The following PTPRK variants were observed in gnomAD, a reference collection of about 807,000 sequenced individuals.
PTPRK encodes protein tyrosine phosphatase receptor type K.
PTPRK carries 75 observed loss-of-function variants against 178.0 expected under a neutral mutation model. That is an observed-to-expected ratio of 0.42 (90% CI 0.35 to 0.51). The LOEUF is 0.51. Ranked by LOEUF, PTPRK falls within the 20% of genes least tolerant of loss-of-function variation. The pLI, the probability that PTPRK is intolerant of heterozygous loss-of-function variation, is 0.02. For missense variants in PTPRK, 1,441 were observed against 1,797.8 expected (o/e 0.80, Z 3.59); for synonymous variants, 637 against 620.6 (o/e 1.03, Z -0.39).
chr6:128,060,653 A>G (rs1198647003), intron 13 of PTPRK, among the ~76,000 whole-genome samples: 2 of 152,184 alleles, frequency 1.3e-5, no homozygotes, highest in Non-Finnish European at 2.9e-5. Context: ...TTCCTATCAC[A>G]GAATTCAGCT....
intron 13 of PTPRK, among the ~76,000 whole-genome samples, chr6:128,018,973 A>G (rs1033707147): frequency 6.6e-6 from 1 of 152,168 alleles, no homozygotes; most frequent in Non-Finnish European, 1.5e-5. Context: ...CTAGAAGAAG[A>G]ATATGGTAAG....
intron 6 of PTPRK, among the ~76,000 whole-genome samples, chr6:128,196,525 C>T (rs903038003): frequency 6.6e-6 from 1 of 152,154 alleles, no homozygotes; most frequent in Non-Finnish European, 1.5e-5. Context: ...CTCACTTTCA[C>T]ACCTTAATGG....
chr6:128,334,929 A>T (rs1830719926), intron 2 of PTPRK, among the ~76,000 whole-genome samples: 1 of 152,080 alleles, frequency 6.6e-6, no homozygotes, highest in South Asian at 2.1e-4. Context: ...CTCTACTAAA[A>T]ATACAAAAAT....
chr6:128,008,286 C>T (rs950853005), intron 14 of PTPRK, among the ~76,000 whole-genome samples: 1 of 150,754 alleles, frequency 6.6e-6, no homozygotes, highest in Non-Finnish European at 1.5e-5. Context: ...TGATCACAAC[C>T]ACTTCTATAC....
At chr6:128,301,342 A>G (rs977253173) in intron 3 of PTPRK, among the ~76,000 whole-genome samples, 3 of 152,114 alleles carry the variant, frequency 2.0e-5, no homozygotes, top group Non-Finnish European at 2.9e-5. Flanking sequence ...AAATGCTTAA[A>G]CCAAAATGAT....
intron 5 of PTPRK, among the ~76,000 whole-genome samples, chr6:128,236,766 C>G (rs1046149079): frequency 6.6e-6 from 1 of 152,024 alleles, no homozygotes; most frequent in Non-Finnish European, 1.5e-5. Context: ...TAAAAACATT[C>G]GATGTTGTTT....
intron 11 of PTPRK, among the ~76,000 whole-genome samples, chr6:128,074,478 G>GA (rs1783414188): frequency 6.6e-6 from 1 of 151,900 alleles, no homozygotes; most frequent in African/African-American, 2.4e-5. Context: ...CATTTACGAA[G>GA]AAACCTTTTA....
At chr6:128,383,914 A>C (rs1053840262) in intron 2 of PTPRK, among the ~76,000 whole-genome samples, 1 of 152,196 alleles carries the variant, frequency 6.6e-6, no homozygotes, top group Non-Finnish European at 1.5e-5. Context: ...TTTCTATAAA[A>C]CATTAAGTTA....
At position 128,074,475 on chromosome 6, in the gene PTPRK, G is replaced by A. The variant is rs138164291; in HGVS notation, c.1883+4338C>T. Among the ~76,000 whole-genome samples, 676 of 151,976 alleles carry A rather than the reference G, an allele frequency of 4.4e-3. 5 individuals carry two copies. Among genetic ancestry groups the A allele is most frequent in the Non-Finnish European group, 5.7e-3 (384 of 67,928 alleles). On this transcript the variant is annotated intron_variant, in intron 11 of 29. Coordinates refer to ENST00000368226, the MANE Select transcript of PTPRK (RefSeq NM_002844.4). The stretch of plus-strand genomic sequence containing the variant: ...CAGGTTAGAGTTTTAATTCATTTAC[G>A]AAGAAACCTTTTAGAAAGAAAAGAA...
chr6:128,240,012 C>T lies in PTPRK; in HGVS notation c.693+23G>A, dbSNP rs1814104383. On this transcript the variant is annotated intron_variant, in intron 5 of 29. Coordinates refer to ENST00000368226, the MANE Select transcript of PTPRK (RefSeq NM_002844.4). The stretch of plus-strand genomic sequence containing the variant: ...TTAAAACATAAAGTATACTCTTTAG[C>T]TCAGCTGCCAACTTGGCCTTACCTG... 1.9e-6 allele frequency: 3 copies of T among 1,554,336 alleles called. 1 individual carries two copies. In the South Asian group the frequency reaches 3.4e-5, roughly 17 times the overall value.
At chr6:128,413,672 T>C (rs138080699) in intron 1 of PTPRK, among the ~76,000 whole-genome samples, 2 of 152,282 alleles carry the variant, frequency 1.3e-5, no homozygotes, top group African/African-American at 2.4e-5. Context: ...GAATGTAACA[T>C]AACCACTGGA....
Position 128,101,209 on chromosome 6 carries a change from A to T in PTPRK, c.1163-11217T>A, listed in dbSNP as rs541410645. On this transcript the variant is annotated intron_variant, in intron 7 of 29. Transcript: ENST00000368226. ...GTGAATATACTAACTTAGTATTCAC[A>T]TTTTTTTCTACATCCAAATCTAAAT... 2.0e-3 allele frequency among the ~76,000 whole-genome samples: 302 copies of T among 152,144 alleles called. 1 individual carries two copies. The highest frequency in any genetic ancestry group is 2.9e-3 in the Non-Finnish European group (200 of 67,906).
rs550070534 is a variant in PTPRK, at chr6:128,313,547, T to C, written c.495+8492A>G. ...TAAAGGACAAACAGAACTTGGACAATGAAAAGGAAGAAACAAAGCCATTTC... is the reference window on the plus strand; with the variant it reads ...TAAAGGACAAACAGAACTTGGACAACGAAAAGGAAGAAACAAAGCCATTTC... On this transcript the variant is annotated intron_variant, in intron 3 of 29. Coordinates refer to ENST00000368226, the MANE Select transcript of PTPRK (RefSeq NM_002844.4). Among the ~76,000 whole-genome samples the C allele has an allele frequency of 2.0e-4, 31 of 151,928 alleles. 1 individual carries two copies. The South Asian group carries it at 6.2e-3, about 30-fold the overall frequency.
At chr6:128,256,180 A>T (rs954203206) in intron 3 of PTPRK, among the ~76,000 whole-genome samples, 1 of 152,182 alleles carries the variant, frequency 6.6e-6, no homozygotes, top group African/African-American at 2.4e-5. Context: ...TAGCACAGTT[A>T]TATGTGATAA....
intron 5 of PTPRK, 152 bp from the exon 6 acceptor site, chr6:128,219,248 A>G: frequency 1.4e-6 from 1 of 696,872 alleles, no homozygotes; most frequent in Non-Finnish European, 2.3e-6. Flanking sequence ...ATGTAAGTAA[A>G]TACTGGTATC....
At chr6:128,381,641 G>T (rs2128356748) in intron 2 of PTPRK, among the ~76,000 whole-genome samples, 1 of 152,158 alleles carries the variant, frequency 6.6e-6, no homozygotes, top group East Asian at 1.9e-4. Flanking sequence ...ACTGCACTCT[G>T]TATTTCATTT....
chr6:128,073,029 C>T (rs1191681162), intron 11 of PTPRK, among the ~76,000 whole-genome samples: 4 of 151,876 alleles, frequency 2.6e-5, no homozygotes, highest in African/African-American at 4.8e-5. Context: ...AGTATGTGGC[C>T]GTAGCACATT....
intron 1 of PTPRK, among the ~76,000 whole-genome samples, chr6:128,429,224 G>T (rs1432339291): frequency 6.6e-6 from 1 of 152,144 alleles, no homozygotes; most frequent in Non-Finnish European, 1.5e-5. Context: ...CTTCCAACTC[G>T]AAATTCTTAG....
intron 2 of PTPRK, among the ~76,000 whole-genome samples, chr6:128,364,766 T>C (rs1431443766): frequency 5.9e-5 from 9 of 151,986 alleles, no homozygotes; most frequent in African/African-American, 2.2e-4. Context: ...TTAAGAAAAA[T>C]ATAGTAATGA....
Sources: gnomAD v4.1 joint callset for allele counts (sites outside exome capture counted in the v4.1 genomes callset) on GRCh38, gnomAD v4.1.1 for gene constraint, MANE v1.5 for transcripts, NCBI Gene and HGNC (gene_info 2026-07-23, HGNC 2026-07-21) for gene names.